CSMD1: variants seen among roughly 807,000 people sequenced by gnomAD.
The protein encoded by CSMD1 is CUB and Sushi multiple domains 1.
CSMD1 carries 213 observed loss-of-function variants against 417.5 expected under a neutral mutation model. That is an observed-to-expected ratio of 0.51 (90% confidence interval 0.46 to 0.57). The LOEUF is 0.57. CSMD1 is among the 20% of genes least tolerant of loss of function. The pLI, the probability that CSMD1 is intolerant of heterozygous loss-of-function variation, is 0.00. For synonymous variants in CSMD1, 2,862 were observed against 1,736.8 expected (o/e 1.65, Z -16.11); for missense variants, 6,923 against 4,529.7 (o/e 1.53, Z -15.17).
chr8:4,932,681 A>G (rs932091705), intron 1 of CSMD1, among the ~76,000 whole-genome samples: 1 of 152,202 alleles, frequency 6.6e-6, no homozygotes, highest in Non-Finnish European at 1.5e-5. Context: ...AATGAATGAC[A>G]CAGTAAATGC....
At chr8:3,407,851 GT>G in intron 14 of CSMD1, 47 bp downstream of exon 14, 1 of 1,485,184 alleles carries the variant, frequency 6.7e-7, no homozygotes, top group Non-Finnish European at 9.1e-7. Flanking sequence ...ATGGGAACAT[GT>G]AAGTAAAATG....
chr8:4,155,886 C>T (rs760808612), intron 3 of CSMD1, among the ~76,000 whole-genome samples: 1 of 152,176 alleles, frequency 6.6e-6, no homozygotes, highest in African/African-American at 2.4e-5. Context: ...ATAGCCCTCT[C>T]TGTTCCCAGT....
At chr8:3,342,194 G>A (rs62504778) in intron 23 of CSMD1, among the ~76,000 whole-genome samples, 16,409 of 151,916 alleles carry the variant, frequency 0.11, 1,169 homozygotes, top group Non-Finnish European at 0.16. Flanking sequence ...CTATTTTTTG[G>A]CCAAAGTCTT....
chr8:3,825,865 A>C (rs1476005206), intron 5 of CSMD1, among the ~76,000 whole-genome samples: 5 of 152,216 alleles, frequency 3.3e-5, no homozygotes. Flanking sequence ...CGCATTGTAC[A>C]CTAGGGCAAG....
In CSMD1 at chr8:3,987,874, G is replaced by C. The variant is rs1184058927; in HGVS notation, c.818+10029C>G. ...AAAGAAATGGTTCAGGGTCCAATCT[G>C]TTTGGCACATTGCAACATCTTCTAC... On this transcript the variant is annotated intron_variant, in intron 5 of 69. Coordinates refer to ENST00000635120, the MANE Select transcript of CSMD1 (RefSeq NM_033225.6). Among the ~76,000 whole-genome samples, 3 of 152,190 alleles carry C rather than the reference G, an allele frequency of 2.0e-5. No homozygotes were observed. The East Asian group carries it at 5.8e-4, about 29-fold the overall frequency.
At chr8:3,536,783 T>C (rs1798218801) in intron 10 of CSMD1, among the ~76,000 whole-genome samples, 2 of 152,112 alleles carry the variant, frequency 1.3e-5, no homozygotes, top group African/African-American at 4.8e-5. Flanking sequence ...GACTAAGTCA[T>C]CTCTTCAGCA....
At chr8:4,781,643 G>A (rs545432480) in intron 1 of CSMD1, among the ~76,000 whole-genome samples, 70 of 152,292 alleles carry the variant, frequency 4.6e-4, no homozygotes, top group African/African-American at 1.6e-3. Context: ...TTAATCAAAT[G>A]TCCTCAATGT....
At chr8:3,739,113 C>G (rs1169064092) in intron 6 of CSMD1, among the ~76,000 whole-genome samples, 1 of 151,594 alleles carries the variant, frequency 6.6e-6, no homozygotes, top group African/African-American at 2.4e-5. Flanking sequence ...TATAAGTTTA[C>G]ATTTTATTTA....
chr8:3,682,831 G>A (rs569632072), intron 7 of CSMD1, among the ~76,000 whole-genome samples: 96 of 152,254 alleles, frequency 6.3e-4, no homozygotes, highest in Middle Eastern at 3.4e-3. Flanking sequence ...AGAAAATGTG[G>A]CACATATACA....
intron 4 of CSMD1, among the ~76,000 whole-genome samples, chr8:4,000,145 C>G (rs1327635669): frequency 6.6e-6 from 1 of 152,050 alleles, no homozygotes; most frequent in African/African-American, 2.4e-5. Flanking sequence ...CACACACTTC[C>G]CTGGTCAACT....
chr8:4,944,265 G>C (rs1239294550), intron 1 of CSMD1, among the ~76,000 whole-genome samples: 1 of 152,172 alleles, frequency 6.6e-6, no homozygotes, highest in Non-Finnish European at 1.5e-5. Context: ...AGAGCTCTGA[G>C]GATTCTATAC....
intron 23 of CSMD1, among the ~76,000 whole-genome samples, chr8:3,310,723 G>C (rs571834784): frequency 6.6e-6 from 1 of 151,430 alleles, no homozygotes; most frequent in African/African-American, 2.4e-5. Flanking sequence ...CATGCTAACA[G>C]GGCATCCAGG....
At position 3,495,096 on chromosome 8, in the gene CSMD1, G is replaced by A. The variant is rs149105908; in HGVS notation, c.1345-1370C>T. ...CTATTTCAAATTGCAGTATTTGTAT[G>A]AATACATTATTTTAGCAATCTCATT... On this transcript the variant is annotated intron_variant, in intron 10 of 69. Coordinates refer to ENST00000635120, the MANE Select transcript of CSMD1 (RefSeq NM_033225.6). Among the ~76,000 whole-genome samples, 188 of 152,300 alleles carry A rather than the reference G, an allele frequency of 1.2e-3. 1 individual carries two copies. Among genetic ancestry groups the A allele is most frequent in the African/African-American group, 4.2e-3 (173 of 41,566 alleles).
At chr8:4,033,019 G>T (rs1005332098) in intron 3 of CSMD1, among the ~76,000 whole-genome samples, 2 of 149,022 alleles carry the variant, frequency 1.3e-5, no homozygotes, top group African/African-American at 2.5e-5. Context: ...GGCTTTGTAT[G>T]CATGATAAAA....
intron 5 of CSMD1, among the ~76,000 whole-genome samples, chr8:3,966,821 A>G (rs1812709132): frequency 6.6e-6 from 1 of 152,130 alleles, no homozygotes; most frequent in African/African-American, 2.4e-5. Context: ...TGTATTTTCT[A>G]TTTTAATCAA....
chr8:3,235,814 C>A (rs185173915), intron 26 of CSMD1, among the ~76,000 whole-genome samples: 2 of 150,894 alleles, frequency 1.3e-5, no homozygotes, highest in Non-Finnish European at 2.9e-5. Context: ...ATGCAGCATG[C>A]AATTAAAAGT....
At chr8:3,385,969 G>A (rs1810979290) in intron 18 of CSMD1, among the ~76,000 whole-genome samples, 1 of 152,050 alleles carries the variant, frequency 6.6e-6, no homozygotes, top group African/African-American at 2.4e-5. Context: ...AATAGAAGAG[G>A]AATTAAGAAT....
intron 5 of CSMD1, among the ~76,000 whole-genome samples, chr8:3,792,174 G>T (rs745941978): frequency 6.6e-6 from 1 of 152,038 alleles, no homozygotes; most frequent in Non-Finnish European, 1.5e-5. Context: ...CACACGTGTA[G>T]TCCCAGCTAC....
At chr8:4,255,186 G>A (rs1260207678) in intron 3 of CSMD1, among the ~76,000 whole-genome samples, 1 of 152,200 alleles carries the variant, frequency 6.6e-6, no homozygotes, top group Non-Finnish European at 1.5e-5. Context: ...GAAAGAGCAT[G>A]ATGGGTGCCA....
Sources: gnomAD v4.1 joint callset for allele counts (sites outside exome capture counted in the v4.1 genomes callset) on GRCh38, gnomAD v4.1.1 for gene constraint, MANE v1.5 for transcripts, NCBI Gene and HGNC (gene_info 2026-07-23, HGNC 2026-07-21) for gene names.